Variants in PPP6R3 observed in about 807,000 individuals in gnomAD.
The protein encoded by PPP6R3 is serine/threonine-protein phosphatase 6 regulatory subunit 3.
Under a neutral mutation model 110.7 loss-of-function variants are expected in PPP6R3, and 38 were observed. That is an observed-to-expected ratio of 0.34 (90% CI 0.26 to 0.45). The LOEUF (loss-of-function observed/expected upper bound fraction) is 0.45, where lower values mean the gene tolerates loss of function less well. Ranked by LOEUF, PPP6R3 falls within the 20% of genes least tolerant of loss-of-function variation. The pLI, the probability that PPP6R3 is intolerant of heterozygous loss-of-function variation, is 1.00. For synonymous variants in PPP6R3, 369 were observed against 373.5 expected (o/e 0.99, Z 0.14); for missense variants, 870 against 1,062.4 (o/e 0.82, Z 2.52).
intron 18 of PPP6R3, among the ~76,000 whole-genome samples, chr11:68,593,437 A>G (rs373497846): frequency 2.6e-5 from 4 of 152,126 alleles, no homozygotes; most frequent in South Asian, 2.1e-4. Context: ...TCATTTTCCT[A>G]TTCATGGATG....
chr11:68,554,804 T>C (rs2099393170), intron 7 of PPP6R3, among the ~76,000 whole-genome samples: 1 of 152,220 alleles, frequency 6.6e-6, no homozygotes, highest in African/African-American at 2.4e-5. Context: ...AGCTGAACGT[T>C]ATTTTAATAG....
intron 1 of PPP6R3, among the ~76,000 whole-genome samples, chr11:68,510,529 T>A (rs995563132): frequency 4.6e-5 from 7 of 151,988 alleles, no homozygotes; most frequent in African/African-American, 1.5e-4. Context: ...GAGAATGGGG[T>A]CTTGCCATGT....
At chr11:68,461,235 G>C (rs1591380150) in intron 1 of PPP6R3, among the ~76,000 whole-genome samples, 1 of 151,670 alleles carries the variant, frequency 6.6e-6, no homozygotes, top group Admixed American at 6.6e-5. Flanking sequence ...CTCCGCTCCC[G>C]CTGGGCCTCC....
At chr11:68,506,619 C>T (rs1347147564) in intron 1 of PPP6R3, among the ~76,000 whole-genome samples, 1 of 151,948 alleles carries the variant, frequency 6.6e-6, no homozygotes. Flanking sequence ...TTGAAATGCA[C>T]AGTGGGATGA....
intron 6 of PPP6R3, among the ~76,000 whole-genome samples, chr11:68,553,390 T>C (rs2099388362): frequency 2.0e-5 from 3 of 151,124 alleles, no homozygotes. Context: ...GCCTCCCAGG[T>C]TCAAGCGATT....
chr11:68,488,220 T>C (rs1431864229), intron 1 of PPP6R3, among the ~76,000 whole-genome samples: 3 of 152,246 alleles, frequency 2.0e-5, no homozygotes, highest in Non-Finnish European at 4.4e-5. Context: ...TATATCTTTT[T>C]CCATCCCTTT....
At position 68,571,090 on chromosome 11, in the gene PPP6R3, G is replaced by T; in HGVS notation, c.1329G>T (p.Met443Ile). 1 of 1,596,136 alleles carries T rather than the reference G, an allele frequency of 6.3e-7. No individual in the cohort carries two copies. Among genetic ancestry groups the T allele is most frequent in the South Asian group, 1.2e-5 (1 of 86,436 alleles). ...LIERILEAWE[M>I]NEKKQAEGGR... ...AACGAATACTTGAAGCCTGGGAAATGAATGAGAAGAAACAGTAAGTAAATT... is the reference window on the plus strand; with the variant it reads ...AACGAATACTTGAAGCCTGGGAAATTAATGAGAAGAAACAGTAAGTAAATT... The change falls in exon 12 of 24, where the codon ATG becomes ATT. Residue 443 changes from methionine (M) to isoleucine (I), a missense_variant. Met to Ile is a conservative substitution (Grantham distance 10, BLOSUM62 1). Transcript: ENST00000393800.
At chr11:68,520,370 A>G (rs886750222) in intron 2 of PPP6R3, among the ~76,000 whole-genome samples, 1 of 152,078 alleles carries the variant, frequency 6.6e-6, no homozygotes, top group South Asian at 2.1e-4. Context: ...ACCAGGGCCT[A>G]TTGGTTCTAC....
Position 68,511,463 on chromosome 11 carries a change from A to AGTGTGTGTGTGT in PPP6R3, c.-157-8017_-157-8006dup, listed in dbSNP as rs111457206. On this transcript the variant is annotated intron_variant, in intron 1 of 23. Coordinates refer to ENST00000393800, the MANE Select transcript of PPP6R3 (RefSeq NM_001164161.2). ...CTCTGGAAATGTGTTACTGTGTTAG[A>AGTGTGTGTGTGT]GTGTGTGTGTGTGTGTGTGTGTGTG... 6.7e-3 allele frequency among the ~76,000 whole-genome samples: 930 copies of AGTGTGTGTGTGT among 138,588 alleles called. 12 individuals are homozygous for AGTGTGTGTGTGT. The highest frequency in any genetic ancestry group is 0.021 in the African/African-American group (771 of 36,878). The allele number at this position is 138,588 out of a possible 152,430, so 90.9% of individuals were successfully genotyped here.
Position 68,613,167 on chromosome 11 carries a change from A to C in PPP6R3, c.*50A>C. On this transcript the variant is annotated 3_prime_UTR_variant, in exon 24 of 24. Transcript: ENST00000393800. Reference sequence around the variant, plus strand: ...TGAGGACTGCAGACCGCCACCACTCAGGGGCTCTGGAGGGGTCAGCTGGAG... The same window carrying C: ...TGAGGACTGCAGACCGCCACCACTCCGGGGCTCTGGAGGGGTCAGCTGGAG... 6.2e-7 allele frequency: 1 copy of C among 1,610,228 alleles called. No individual in the cohort carries two copies. Among genetic ancestry groups the C allele is most frequent in the East Asian group, 2.2e-5 (1 of 44,742 alleles).
At chr11:68,555,089 A>T (rs2099394154) in intron 7 of PPP6R3, among the ~76,000 whole-genome samples, 1 of 152,188 alleles carries the variant, frequency 6.6e-6, no homozygotes, top group Admixed American at 6.5e-5. Flanking sequence ...ATGTGTCTTC[A>T]ACCCTGTCTT....
At chr11:68,545,165 C>A in intron 4 of PPP6R3, 141 bp downstream of exon 4, 1 of 537,114 alleles carries the variant, frequency 1.9e-6, no homozygotes, top group South Asian at 4.2e-5. Flanking sequence ...CTTAAACATT[C>A]TAAGCACTCA....
intron 1 of PPP6R3, chr11:68,515,250 T>G (rs1592349483): frequency 1.3e-5 from 2 of 153,502 alleles, no homozygotes; most frequent in African/African-American, 4.8e-5. Context: ...CTGCAGCCTT[T>G]AGGGAGCAGC....
intron 1 of PPP6R3, among the ~76,000 whole-genome samples, chr11:68,476,462 G>A (rs1289479616): frequency 8.1e-6 from 1 of 122,960 alleles, no homozygotes; most frequent in Non-Finnish European, 2.0e-5. Flanking sequence ...GGGGAGAGGG[G>A]GGAGGGGGAG....
intron 22 of PPP6R3, among the ~76,000 whole-genome samples, chr11:68,608,232 A>G (rs1418780467): frequency 6.6e-6 from 1 of 152,238 alleles, no homozygotes; most frequent in Non-Finnish European, 1.5e-5. Flanking sequence ...CCTATAAACT[A>G]GTAAGAAGAA....
chr11:68,468,704 A>G (rs1765915289), intron 1 of PPP6R3, among the ~76,000 whole-genome samples: 1 of 152,194 alleles, frequency 6.6e-6, no homozygotes, highest in Admixed American at 6.5e-5. Flanking sequence ...TTGATATGCA[A>G]ATTTTCTTCC....
rs932592759 is a variant in PPP6R3 at position 68,614,815 on chromosome 11, C to T, written c.*1698C>T. ...AGCAGCACCCCCAGAGGACAGGGCT[C>T]CTCCTGCTTGCCTCAGGGCTGCCTG... On this transcript the variant is annotated 3_prime_UTR_variant, in exon 24 of 24. Transcript: ENST00000393800. 2.8e-6 allele frequency: 4 copies of T among 1,445,194 alleles called. No homozygotes were observed. Among genetic ancestry groups the T allele is most frequent in the Middle Eastern group, 1.7e-4 (1 of 5,780 alleles). 89.5% of individuals were successfully genotyped at this position (1,445,194 alleles called of 1,614,324 possible). A position where few individuals can be genotyped will look rare whatever the true frequency, so the allele number is the denominator to read the frequency against.
intron 15 of PPP6R3, among the ~76,000 whole-genome samples, chr11:68,586,114 A>T (rs1025476865): frequency 2.6e-5 from 4 of 151,556 alleles, no homozygotes; most frequent in South Asian, 2.1e-4. Flanking sequence ...CTTAAAAAAA[A>T]TTTTTTTTTG....
intron 23 of PPP6R3, among the ~76,000 whole-genome samples, chr11:68,612,532 C>G (rs972480434): frequency 2.0e-5 from 3 of 151,542 alleles, no homozygotes; most frequent in African/African-American, 7.3e-5. Context: ...CAGTTTTGAG[C>G]CTAACATTTG....
Sources: allele counts gnomAD v4.1 joint callset (sites outside exome capture counted in the v4.1 genomes callset), GRCh38; gene constraint gnomAD v4.1.1; transcripts MANE v1.5; gene names NCBI Gene and HGNC (gene_info 2026-07-23, HGNC 2026-07-21).